SLC30A5: variants seen among roughly 807,000 people sequenced by gnomAD.
SLC30A5 encodes proton-coupled zinc antiporter SLC30A5.
SLC30A5 carries 33 observed loss-of-function variants against 79.6 expected under a neutral mutation model. The observed-to-expected ratio is 0.41, with a 90% CI of 0.31 to 0.55. The LOEUF is 0.55. Ranked by LOEUF, SLC30A5 falls within the 20% of genes least tolerant of loss-of-function variation. The pLI, the probability that SLC30A5 is intolerant of heterozygous loss-of-function variation, is 0.20. For synonymous variants in SLC30A5, 299 were observed against 319.7 expected (o/e 0.94, Z 0.69); for missense variants, 788 against 928.1 (o/e 0.85, Z 1.96).
intron 3 of SLC30A5, chr5:69,104,143 TC>T: frequency 1.5e-6 from 2 of 1,327,614 alleles, no homozygotes; most frequent in Non-Finnish European, 2.0e-6. Flanking sequence ...TTTTTTTTTT[TC>T]TTTCTTTTTT....
In SLC30A5 at chr5:69,129,722, C is replaced by G. The variant is rs1746801457; in HGVS notation, c.*105C>G. 3.0e-6 allele frequency: 3 copies of G among 1,001,050 alleles called. No individual in the cohort carries two copies. Among genetic ancestry groups the G allele is most frequent in the Non-Finnish European group, 1.4e-6 (1 of 703,744 alleles). The allele number at this position is 1,001,050 out of a possible 1,614,324, so 62.0% of individuals were successfully genotyped here. A position where few individuals can be genotyped will look rare whatever the true frequency, so the allele number is the denominator to read the frequency against. On this transcript the variant is annotated 3_prime_UTR_variant, in exon 16 of 16. Transcript: ENST00000396591. The stretch of plus-strand genomic sequence containing the variant: ...AAATTACACATTAACTGTACAGAAA[C>G]AGAGTTCCCTACTACTGGATCAAGG...
intron 10 of SLC30A5, 142 bp from the exon 11 acceptor site, chr5:69,117,097 G>C: frequency 1.7e-6 from 1 of 595,408 alleles, no homozygotes; most frequent in Non-Finnish European, 2.9e-6. Context: ...GTGTGAAATA[G>C]GGTTTCTAAT....
intron 4 of SLC30A5, among the ~76,000 whole-genome samples, chr5:69,105,917 C>G (rs1159811242): frequency 6.6e-6 from 1 of 152,170 alleles, no homozygotes; most frequent in African/African-American, 2.4e-5. Context: ...GTCTGATGAT[C>G]TGAGGTGGAA....
At chr5:69,124,047 AG>A (rs1746605776) in intron 14 of SLC30A5, among the ~76,000 whole-genome samples, 1 of 140,414 alleles carries the variant, frequency 7.1e-6, no homozygotes, top group Admixed American at 7.7e-5. Context: ...CGGGAGGCAG[AG>A]CTTGCAGTGA....
At chr5:69,100,656 T>G in intron 1 of SLC30A5, 151 bp from the exon 2 acceptor site, 1 of 526,184 alleles carries the variant, frequency 1.9e-6, no homozygotes, top group Non-Finnish European at 3.3e-6. Context: ...ATCACGTGGA[T>G]GGTGAGTTGT....
intron 1 of SLC30A5, among the ~76,000 whole-genome samples, chr5:69,099,716 G>A (rs1408011990): frequency 6.6e-6 from 1 of 152,094 alleles, no homozygotes; most frequent in Non-Finnish European, 1.5e-5. Flanking sequence ...CAAACCAAAG[G>A]CATTTACCAT....
intron 12 of SLC30A5, among the ~76,000 whole-genome samples, 171 bp downstream of exon 12, chr5:69,118,799 CTCTT>C (rs1746455846): frequency 7.9e-6 from 1 of 125,898 alleles, no homozygotes; most frequent in African/African-American, 3.1e-5. Flanking sequence ...CTTAGAAATT[CTCTT>C]TTTTTTTTTT....
intron 14 of SLC30A5, among the ~76,000 whole-genome samples, chr5:69,125,462 G>A (rs1431487275): frequency 6.6e-6 from 1 of 151,662 alleles, no homozygotes. Flanking sequence ...GGAGGTGGAG[G>A]TTGCAGTGAG....
intron 15 of SLC30A5, among the ~76,000 whole-genome samples, chr5:69,128,474 T>C (rs1746764806): frequency 6.6e-6 from 1 of 151,846 alleles, no homozygotes. Context: ...TGTTGGCCAG[T>C]CTAGTCTCAA....
chr5:69,096,035 C>T (rs1219678993), intron 1 of SLC30A5, among the ~76,000 whole-genome samples: 1 of 152,144 alleles, frequency 6.6e-6, no homozygotes, highest in African/African-American at 2.4e-5. Flanking sequence ...CACCACTGCA[C>T]TCCAGCCTGG....
At position 69,130,743 on chromosome 5, in the gene SLC30A5, C is replaced by A. The variant is rs454828; in HGVS notation, c.*1126C>A. The A allele has an allele frequency of 4.0e-5, 6 of 151,718 alleles. No individual in the cohort carries two copies. Among genetic ancestry groups the A allele is most frequent in the African/African-American group, 7.3e-5 (3 of 41,312 alleles). 9.4% of individuals were successfully genotyped at this position (151,718 alleles called of 1,614,324 possible). The stretch of plus-strand genomic sequence containing the variant: ...GTAGTAAAGTCTGAAAAGACTTTAC[C>A]ATAGACAATAACATGCAGTTTTATC... On this transcript the variant is annotated 3_prime_UTR_variant, in exon 16 of 16. Transcript: ENST00000396591.
chr5:69,113,876 T>C (rs2111971796), intron 6 of SLC30A5, among the ~76,000 whole-genome samples: 1 of 152,342 alleles, frequency 6.6e-6, no homozygotes, highest in East Asian at 1.9e-4. Context: ...TTTGTTACAG[T>C]GAGGGAGAAG....
chr5:69,104,870 G>A, intron 4 of SLC30A5, 154 bp downstream of exon 4: 1 of 617,564 alleles, frequency 1.6e-6, no homozygotes, highest in Non-Finnish European at 2.6e-6. Flanking sequence ...GAACAAACCT[G>A]TTTAGTTTCT....
Position 69,123,301 on chromosome 5 carries a change from G to C in SLC30A5, c.1874G>C (p.Cys625Ser). ...GGATGGTTCATCGCTGACCCACTCT[G>C]TTCTCTTTTTATTGCTATATTAATA... ...QFGWFIADPL[C>S]SLFIAILIFL... The change falls in exon 14 of 16, where the codon TGT becomes TCT. Residue 625 changes from cysteine to serine, a missense_variant. By Grantham distance (112) the Cys-to-Ser change is moderately radical. Coordinates refer to ENST00000396591, the MANE Select transcript of SLC30A5 (RefSeq NM_022902.5). 1.2e-6 allele frequency: 2 copies of C among 1,613,946 alleles called. No individual in the cohort carries two copies. The highest frequency in any genetic ancestry group is 1.7e-6 in the Non-Finnish European group (2 of 1,179,918).
chr5:69,115,137 A>G (rs1369482835), intron 7 of SLC30A5, 100 bp from the exon 8 acceptor site: 12 of 29,362 alleles, frequency 4.1e-4, no homozygotes, highest in South Asian at 1.8e-3. Context: ...TCTCTGGGGA[A>G]AAAAAAAAAA....
At chr5:69,100,368 C>T (rs1745875789) in intron 1 of SLC30A5, among the ~76,000 whole-genome samples, 1 of 152,200 alleles carries the variant, frequency 6.6e-6, no homozygotes. Flanking sequence ...TCCCGAGTGG[C>T]TGAGACTGCT....
At chr5:69,101,076 C>T in intron 2 of SLC30A5, 147 bp downstream of exon 2, 1 of 737,890 alleles carries the variant, frequency 1.4e-6, no homozygotes, top group Non-Finnish European at 2.0e-6. Context: ...TGGGAGTATA[C>T]TTAAGATTAG....
Position 69,094,169 on chromosome 5 carries a change from C to G in SLC30A5, c.-87C>G, listed in dbSNP as rs1745646985. On this transcript the variant is annotated 5_prime_UTR_variant, in exon 1 of 16. Transcript: ENST00000396591. ...CGGGGTCTCTGCCATGGGGGAGTGA[C>G]GCGCCTGCACCCGCTGTTCCGCGGC... 4.4e-6 allele frequency: 3 copies of G among 688,702 alleles called. No individual in the cohort carries two copies. Among genetic ancestry groups the G allele is most frequent in the Non-Finnish European group, 6.3e-6 (3 of 479,158 alleles). The allele number at this position is 688,702 out of a possible 1,614,324, so 42.7% of individuals were successfully genotyped here.
chr5:69,109,973 A>G (rs1330487454), intron 5 of SLC30A5, among the ~76,000 whole-genome samples: 1 of 152,198 alleles, frequency 6.6e-6, no homozygotes, highest in African/African-American at 2.4e-5. Flanking sequence ...TTTATTCAGT[A>G]TAGATTTAAT....
Sources: gnomAD v4.1 joint callset for allele counts (sites outside exome capture counted in the v4.1 genomes callset) on GRCh38, gnomAD v4.1.1 for gene constraint, MANE v1.5 for transcripts, NCBI Gene and HGNC (gene_info 2026-07-23, HGNC 2026-07-21) for gene names.